The following FARP2 variants were observed in gnomAD, a reference collection of about 807,000 sequenced individuals.
FARP2 encodes FERM, ARH/RhoGEF and pleckstrin domain protein 2.
Under a neutral mutation model 130.5 loss-of-function variants are expected in FARP2, and 111 were observed. The ratio of observed to expected loss-of-function variants is 0.85; its 90% CI spans 0.73 to 1.00. FARP2 has a LOEUF of 1.00. Among genes scored for constraint, FARP2 ranks in the 50% least tolerant of loss-of-function variants. The pLI, the probability that FARP2 is intolerant of heterozygous loss-of-function variation, is 0.00. For synonymous variants in FARP2, 504 were observed against 516.9 expected (o/e 0.98, Z 0.34); for missense variants, 1,385 against 1,346.3 (o/e 1.03, Z -0.45).
intron 8 of FARP2, among the ~76,000 whole-genome samples, chr2:241,422,884 C>G (rs946249610): frequency 8.6e-5 from 13 of 152,032 alleles, no homozygotes; most frequent in African/African-American, 3.1e-4. Context: ...TGAAGACTAT[C>G]TTTCTGAAAT....
chr2:241,493,557 G>A, intron 26 of FARP2, 113 bp downstream of exon 26: 4 of 929,568 alleles, frequency 4.3e-6, no homozygotes, highest in South Asian at 1.5e-5. Context: ...AGGAAGGGCT[G>A]AGCAATGCTT....
rs62637642 is a variant in FARP2, at chr2:241,489,990, T to A, written c.2450T>A (p.Val817Asp). ...GAAGAAAGTGATAACGAGTGGTCTG[T>A]TCCACACTGTTTCACCATCTACGCG... ...LVEESDNEWS[V>D]PHCFTIYAAQ... is the part of the protein sequence containing the mutation. Residue 817 changes from valine to aspartate, a missense_variant, in exon 22 of 27, where the codon GTT becomes GAT. Physicochemically the swap from Val to Asp is radical, Grantham distance 152 (BLOSUM62 -3). Coordinates refer to ENST00000264042, the MANE Select transcript of FARP2 (RefSeq NM_014808.4). The A allele has an allele frequency of 1.8e-4, 286 of 1,613,908 alleles. 1 individual carries two copies. The African/African-American group carries it at 3.4e-3, about 19-fold the overall frequency.
chr2:241,382,228 T>C (rs1202411291), intron 2 of FARP2, among the ~76,000 whole-genome samples: 1 of 152,046 alleles, frequency 6.6e-6, no homozygotes, highest in Non-Finnish European at 1.5e-5. Context: ...TTTTTTTATA[T>C]GGTCTTTTAA....
At chr2:241,369,889 C>G (rs757642327) in intron 1 of FARP2, among the ~76,000 whole-genome samples, 1 of 152,108 alleles carries the variant, frequency 6.6e-6, no homozygotes, top group Non-Finnish European at 1.5e-5. Context: ...GAGGAACCTT[C>G]AAAGTGGAAG....
chr2:241,488,389 C>T (rs2064809072), intron 21 of FARP2: 1 of 150,904 alleles, frequency 6.6e-6, no homozygotes, highest in African/African-American at 2.4e-5. Flanking sequence ...AATTAATCTC[C>T]CTAGAATTTG....
chr2:241,406,061 T>G (rs1310000511), intron 4 of FARP2, among the ~76,000 whole-genome samples: 2 of 152,132 alleles, frequency 1.3e-5, no homozygotes, highest in African/African-American at 4.8e-5. Flanking sequence ...CCCAGCACTT[T>G]GGGAGGCCAA....
chr2:241,391,974 T>C (rs1336420297), intron 2 of FARP2, among the ~76,000 whole-genome samples: 1 of 152,134 alleles, frequency 6.6e-6, no homozygotes, highest in East Asian at 1.9e-4. Context: ...TGCTAAAGAA[T>C]ATAGGACCAG....
chr2:241,384,972 A>G (rs2061750859), intron 2 of FARP2, among the ~76,000 whole-genome samples: 1 of 152,200 alleles, frequency 6.6e-6, no homozygotes, highest in East Asian at 1.9e-4. Flanking sequence ...ACATGTCCTA[A>G]ATTTAATTAT....
intron 21 of FARP2, among the ~76,000 whole-genome samples, chr2:241,485,291 C>T (rs779186999): frequency 6.6e-6 from 1 of 150,692 alleles, no homozygotes; most frequent in African/African-American, 2.4e-5. Flanking sequence ...CCCTAGAGTC[C>T]TCCCTCCCTC....
rs904221873 is a variant in FARP2 at position 241,454,161 on chromosome 2, G to A, written c.1412-2586G>A. Among the ~76,000 whole-genome samples the A allele has an allele frequency of 5.3e-5, 8 of 152,158 alleles. No homozygotes were observed. In the East Asian group the frequency reaches 1.5e-3, roughly 29 times the overall value. The stretch of plus-strand genomic sequence containing the variant: ...TGTTTGCAACCCCAGCAGCGTCATA[G>A]CAGCACACATTATGATGGGCCTCGT... On this transcript the variant is annotated intron_variant, in intron 13 of 26. Coordinates refer to ENST00000264042, the MANE Select transcript of FARP2 (RefSeq NM_014808.4).
intron 18 of FARP2, among the ~76,000 whole-genome samples, chr2:241,472,103 G>C (rs1235852393): frequency 6.6e-5 from 4 of 60,700 alleles, no homozygotes; most frequent in Non-Finnish European, 1.5e-4. Flanking sequence ...TCTGTTCTGT[G>C]GAGACCCTAT....
At chr2:241,490,741 A>G (rs1184152977) in intron 22 of FARP2, among the ~76,000 whole-genome samples, 4 of 152,238 alleles carry the variant, frequency 2.6e-5, no homozygotes, top group African/African-American at 9.6e-5. Context: ...ACCAGGGCCA[A>G]TCTTGCATTT....
intron 17 of FARP2, among the ~76,000 whole-genome samples, chr2:241,466,845 C>G (rs1180462460): frequency 6.6e-6 from 1 of 152,130 alleles, no homozygotes; most frequent in African/African-American, 2.4e-5. Context: ...TCTTGTGACA[C>G]AGAAGCTGTT....
At chr2:241,480,656 C>T (rs1473016380) in intron 19 of FARP2, among the ~76,000 whole-genome samples, 1 of 151,614 alleles carries the variant, frequency 6.6e-6, no homozygotes, top group East Asian at 1.9e-4. Context: ...GCCTAAGTTT[C>T]CCCTGAAAAT....
At position 241,431,753 on chromosome 2, in the gene FARP2, C is replaced by A; in HGVS notation, c.846C>A (p.Ile282=). 6.5e-7 allele frequency: 1 copy of A among 1,539,106 alleles called. No homozygotes were observed. Among genetic ancestry groups the A allele is most frequent in the Non-Finnish European group, 9.0e-7 (1 of 1,116,208 alleles). ...GCTTCAAGAGGAAAAGATTTCTTAT[C>A]AAACTTCATCCAGAGGTTCATGTAA... is the stretch of plus-strand genomic sequence containing the variant. The part of the protein sequence containing the change: ...KLSFKRKRFL[I]KLHPEVHGPY... Residue 282 remains isoleucine (I), a synonymous_variant, in exon 9 of 27, where the codon ATC becomes ATA. Coordinates refer to ENST00000264042, the MANE Select transcript of FARP2 (RefSeq NM_014808.4).
At chr2:241,490,329 A>G (rs896904484) in intron 22 of FARP2, among the ~76,000 whole-genome samples, 1 of 152,216 alleles carries the variant, frequency 6.6e-6, no homozygotes, top group Admixed American at 6.5e-5. Context: ...CTCCAAAGAC[A>G]GGACGGGTGA....
intron 20 of FARP2, chr2:241,484,011 C>T (rs2064691134): frequency 7.5e-7 from 1 of 1,341,910 alleles, no homozygotes; most frequent in Non-Finnish European, 9.6e-7. Flanking sequence ...TCCAGCTTCT[C>T]AGCCAAGCTA....
chr2:241,409,038 T>TGACA (rs1553715971), intron 5 of FARP2, among the ~76,000 whole-genome samples: 3 of 145,930 alleles, frequency 2.1e-5, no homozygotes, highest in Non-Finnish European at 4.5e-5. Flanking sequence ...GATAGATAGA[T>TGACA]GATAGATAGA....
Position 241,441,433 on chromosome 2 carries a change from A to G in FARP2, c.1288A>G (p.Thr430Ala). Residue 430 changes from threonine to alanine, a missense_variant, in exon 13 of 27, where the codon ACA (threonine) becomes GCA (alanine). Coordinates refer to ENST00000264042, the MANE Select transcript of FARP2 (RefSeq NM_014808.4). The stretch of plus-strand genomic sequence containing the variant: ...GTTTAAGGACAGCAGCAGCTCCCTC[A>G]CAGATCCCCAGGTTTCCTACGTCAA... The part of the protein sequence containing the change: ...PEFKDSSSSL[T>A]DPQVSYVKSP... 1 of 1,614,120 alleles carries G rather than the reference A, an allele frequency of 6.2e-7. No homozygotes were observed. Among genetic ancestry groups the G allele is most frequent in the South Asian group, 1.1e-5 (1 of 91,078 alleles).
Sources: gnomAD v4.1 joint callset for allele counts (sites outside exome capture counted in the v4.1 genomes callset) on GRCh38, gnomAD v4.1.1 for gene constraint, MANE v1.5 for transcripts, NCBI Gene and HGNC (gene_info 2026-07-23, HGNC 2026-07-21) for gene names.